The following XPO7 variants were observed in gnomAD, a reference collection of about 807,000 sequenced individuals.
XPO7 encodes exportin-7.
Under a neutral mutation model 144.3 loss-of-function variants are expected in XPO7, and 21 were observed. That is an observed-to-expected ratio of 0.15 (90% CI 0.10 to 0.21). The LOEUF is 0.21. Among genes scored for constraint, XPO7 ranks in the 10% least tolerant of loss-of-function variants. The pLI, the probability that XPO7 is intolerant of heterozygous loss-of-function variation, is 1.00. For synonymous variants in XPO7, 580 were observed against 499.6 expected, an observed-to-expected ratio of 1.16 and a Z score of -2.15; for missense variants, 808 against 1,325.8, an observed-to-expected ratio of 0.61 and a Z score of 6.06.
At chr8:21,956,892 C>A (rs892883836) in intron 1 of XPO7, among the ~76,000 whole-genome samples, 4 of 152,042 alleles carry the variant, frequency 2.6e-5, no homozygotes, top group Admixed American at 2.6e-4. Flanking sequence ...AGCTGTCTAT[C>A]TTCCATGTTA....
In XPO7 at chr8:21,980,054, CGTT is replaced by C. The variant is rs765026162; in HGVS notation, c.838-27_838-25del. On this transcript the variant is annotated intron_variant, in intron 8 of 27. Transcript: ENST00000252512. ...AAAGTAACTGTACAGTCTTTTTAAT[CGTT>C]GTGTTTGGGTTCTGCCCTGCATTTA... The C allele has an allele frequency of 3.8e-5, 58 of 1,533,942 alleles. No individual in the cohort carries two copies. The African/African-American group carries it at 6.3e-4, about 17-fold the overall frequency.
intron 11 of XPO7, among the ~76,000 whole-genome samples, chr8:21,983,447 A>T (rs1162719684): frequency 3.3e-5 from 5 of 152,222 alleles, no homozygotes; most frequent in Non-Finnish European, 5.9e-5. Context: ...CTTGGAGTCT[A>T]AGGGTCTGGG....
chr8:21,949,067 G>C (rs1811286132), intron 1 of XPO7, among the ~76,000 whole-genome samples: 1 of 152,192 alleles, frequency 6.6e-6, no homozygotes, highest in African/African-American at 2.4e-5. Context: ...AGTGAACTTA[G>C]TTTTCTAAAG....
At chr8:21,966,473 T>C (rs1811887942) in intron 1 of XPO7, among the ~76,000 whole-genome samples, 1 of 152,228 alleles carries the variant, frequency 6.6e-6, no homozygotes, top group Non-Finnish European at 1.5e-5. Flanking sequence ...TGTGCTTAAT[T>C]TTAGTAGCCG....
chr8:22,003,773 T>C, intron 26 of XPO7, 130 bp from the exon 27 acceptor site: 1 of 1,380,970 alleles, frequency 7.2e-7, no homozygotes, highest in Non-Finnish European at 9.7e-7. Flanking sequence ...AATTTCTTTT[T>C]TAAGGGTCCA....
chr8:21,928,289 A>G (rs1324206820), intron 1 of XPO7, among the ~76,000 whole-genome samples: 2 of 152,230 alleles, frequency 1.3e-5, no homozygotes, highest in Non-Finnish European at 1.5e-5. Context: ...ATTGTTGCCA[A>G]GTATTCCGTT....
intron 3 of XPO7, 60 bp downstream of exon 3, chr8:21,969,636 T>A: frequency 7.0e-7 from 1 of 1,434,204 alleles, no homozygotes; most frequent in Non-Finnish European, 9.7e-7. Flanking sequence ...GATGTGCTAG[T>A]AATAGTCAAA....
At chr8:21,992,009 TC>T in intron 19 of XPO7, 35 bp downstream of exon 19, 1 of 1,556,698 alleles carries the variant, frequency 6.4e-7, no homozygotes. Flanking sequence ...TTAATCAGCT[TC>T]TGGTTTAGGG....
intron 6 of XPO7, 131 bp downstream of exon 6, chr8:21,974,905 AT>A: frequency 1.4e-6 from 1 of 719,288 alleles, no homozygotes; most frequent in Non-Finnish European, 2.2e-6. Flanking sequence ...CATCTCTTAT[AT>A]AAGACTCATA....
intron 24 of XPO7, among the ~76,000 whole-genome samples, chr8:22,000,492 G>A (rs986522778): frequency 2.3e-5 from 3 of 132,854 alleles, no homozygotes; most frequent in East Asian, 2.2e-4. Flanking sequence ...TCGCTCTGTC[G>A]CCCAGGCTGG....
chr8:21,919,863 G>A (rs977338258), intron 1 of XPO7, 75 bp downstream of exon 1: 3 of 314,502 alleles, frequency 9.5e-6, no homozygotes, highest in Non-Finnish European at 1.8e-5. Context: ...ACGGCCCACA[G>A]GGCGCCAGCC....
intron 24 of XPO7, among the ~76,000 whole-genome samples, chr8:22,001,615 CAG>C (rs1470374412): frequency 6.6e-6 from 1 of 152,262 alleles, no homozygotes; most frequent in Non-Finnish European, 1.5e-5. Flanking sequence ...ACTGGTAACT[CAG>C]AGCATAGGCT....
At chr8:21,998,636 C>A in intron 21 of XPO7, 119 bp from the exon 22 acceptor site, 1 of 715,186 alleles carries the variant, frequency 1.4e-6, no homozygotes, top group Non-Finnish European at 2.3e-6. Flanking sequence ...TTAGGATAGG[C>A]AATTGCTTAC....
intron 1 of XPO7, among the ~76,000 whole-genome samples, chr8:21,956,358 CA>C (rs1193367798): frequency 1.3e-5 from 2 of 152,204 alleles, no homozygotes; most frequent in Non-Finnish European, 2.9e-5. Context: ...TTCTCTTTGT[CA>C]TCAGGTTTCT....
chr8:21,966,864 C>T lies in XPO7; in HGVS notation c.26C>T (p.Ala9Val). ...CTGACTGATCTTTTCCAGAGCCTGGCCCAACTAGAGAATCTGTGCAAACAG... is the reference window on the plus strand; with the variant it reads ...CTGACTGATCTTTTCCAGAGCCTGGTCCAACTAGAGAATCTGTGCAAACAG... Reference protein sequence around the residue: MADHVQSLAQLENLCKQLY... With the variant: MADHVQSLVQLENLCKQLY... The change falls in exon 2 of 28, where the codon GCC becomes GTC. Residue 9 changes from alanine to valine, a missense_variant. Physicochemically the swap from Ala to Val is moderately conservative, Grantham distance 64. Around this residue, in one of 5 missense-constraint regions of XPO7, gnomAD observed 223 missense variants for 368.8 expected, o/e 0.60. Transcript: ENST00000252512. 4 of 1,611,894 alleles carry T rather than the reference C, an allele frequency of 2.5e-6. No homozygotes were observed. In the South Asian group the frequency reaches 3.3e-5, roughly 13 times the overall value.
chr8:21,975,863 G>C (rs1807953), intron 6 of XPO7, among the ~76,000 whole-genome samples: 30,837 of 152,176 alleles, frequency 0.2, 4,506 homozygotes, highest in African/African-American at 0.41. Flanking sequence ...ATTGCAATGA[G>C]TAAATAAAAT....
At chr8:21,934,339 G>C (rs956553736) in intron 1 of XPO7, among the ~76,000 whole-genome samples, 2 of 152,124 alleles carry the variant, frequency 1.3e-5, no homozygotes, top group African/African-American at 4.8e-5. Flanking sequence ...TTTGAGACTA[G>C]CCTGACCAAC....
chr8:21,969,210 T>C (rs532702205), intron 2 of XPO7, among the ~76,000 whole-genome samples: 1 of 152,206 alleles, frequency 6.6e-6, no homozygotes, highest in African/African-American at 2.4e-5. Flanking sequence ...CTCTAGTGTC[T>C]GTCCCTCAGA....
At chr8:21,923,389 C>A (rs1432420528) in intron 1 of XPO7, among the ~76,000 whole-genome samples, 1 of 152,196 alleles carries the variant, frequency 6.6e-6, no homozygotes, top group Non-Finnish European at 1.5e-5. Flanking sequence ...TATCCCATCA[C>A]CCACTCCCAC....
Sources: gnomAD v4.1 joint callset for allele counts (sites outside exome capture counted in the v4.1 genomes callset) on GRCh38, gnomAD v4.1.1 for gene constraint, gnomAD v4.1.1 regional missense constraint, MANE v1.5 for transcripts, NCBI Gene and HGNC (gene_info 2026-07-23, HGNC 2026-07-21) for gene names.